Variants in PPEF2 observed in about 807,000 individuals in gnomAD.
PPEF2 encodes serine/threonine-protein phosphatase with EF-hands 2.
PPEF2 carries 84 observed loss-of-function variants against 84.7 expected under a neutral mutation model. The ratio of observed to expected loss-of-function variants is 0.99; its 90% CI spans 0.83 to 1.19. PPEF2 has a LOEUF of 1.19. PPEF2 is among the 50% of genes most tolerant of loss of function. The pLI is 0.00. For missense variants in PPEF2, 924 were observed against 937.5 expected, an observed-to-expected ratio of 0.99 and a Z score of 0.19; for synonymous variants, 346 against 345.2, an observed-to-expected ratio of 1.00 and a Z score of -0.03.
chr4:75,866,740 G>A (rs927549200), intron 14 of PPEF2, among the ~76,000 whole-genome samples: 1 of 151,998 alleles, frequency 6.6e-6, no homozygotes, highest in Non-Finnish European at 1.5e-5. Flanking sequence ...TATATCTACA[G>A]CATTGGTTAT....
At chr4:75,883,933 C>T (rs1328095938) in intron 8 of PPEF2, among the ~76,000 whole-genome samples, 3 of 151,092 alleles carry the variant, frequency 2.0e-5, no homozygotes, top group Non-Finnish European at 4.4e-5. Context: ...AGTTCGAGAC[C>T]AGCCTGACCA....
chr4:75,867,575 A>G (rs540068145), intron 13 of PPEF2, among the ~76,000 whole-genome samples, 156 bp from the exon 14 acceptor site: 1 of 152,356 alleles, frequency 6.6e-6, no homozygotes, highest in East Asian at 1.9e-4. Context: ...TGTTGTACAC[A>G]AACAGGATGA....
chr4:75,875,677 C>A (rs1438251538), intron 11 of PPEF2, among the ~76,000 whole-genome samples: 1 of 152,188 alleles, frequency 6.6e-6, no homozygotes, highest in Non-Finnish European at 1.5e-5. Context: ...CTACAACAGC[C>A]TTTTCAGGGC....
At chr4:75,888,046 T>C (rs1294380112) in intron 6 of PPEF2, among the ~76,000 whole-genome samples, 168 bp downstream of exon 6, 1 of 152,134 alleles carries the variant, frequency 6.6e-6, no homozygotes, top group Non-Finnish European at 1.5e-5. Flanking sequence ...CACCACCACC[T>C]CTTTTTTAGG....
At chr4:75,893,684 C>T (rs35565943) in intron 2 of PPEF2, among the ~76,000 whole-genome samples, 21,214 of 152,178 alleles carry the variant, frequency 0.14, 1,635 homozygotes, top group Non-Finnish European at 0.18. Context: ...ATACATAATT[C>T]ATACTTGTGC....
In PPEF2 at chr4:75,890,106, C is replaced by T; in HGVS notation, c.268G>A (p.Glu90Lys). The change falls in exon 5 of 17, where the codon GAG becomes AAG. Residue 90 changes from glutamate to lysine, a missense_variant. Transcript: ENST00000286719. The part of the protein sequence containing the change: ...DRDFLTRIFT[E>K]DRFAQDSEMK... ...TCGGAGTCCTGGGCGAATCTGTCCT[C>T]AGTGAATATGCGGGTCAGGAAGTCC... is the stretch of plus-strand genomic sequence containing the variant. 6.2e-7 allele frequency: 1 copy of T among 1,614,056 alleles called. No homozygotes were observed. Among genetic ancestry groups the T allele is most frequent in the Non-Finnish European group, 8.5e-7 (1 of 1,180,008 alleles).
At chr4:75,883,300 A>G in intron 8 of PPEF2, 98 bp from the exon 9 acceptor site, 1 of 1,080,966 alleles carries the variant, frequency 9.3e-7, no homozygotes, top group South Asian at 1.3e-5. Context: ...GGGTATATGT[A>G]CTTAAATACA....
intron 15 of PPEF2, 96 bp downstream of exon 15, chr4:75,866,093 T>G: frequency 7.6e-7 from 1 of 1,323,472 alleles, no homozygotes; most frequent in Non-Finnish European, 1.0e-6. Context: ...CATCCAGCTT[T>G]TTGGGTTATT....
intron 6 of PPEF2, among the ~76,000 whole-genome samples, chr4:75,887,165 G>A (rs1724750149): frequency 2.0e-5 from 3 of 152,190 alleles, no homozygotes; most frequent in African/African-American, 7.2e-5. Flanking sequence ...AATAGTGCAA[G>A]GTTGCAAACC....
intron 6 of PPEF2, among the ~76,000 whole-genome samples, chr4:75,887,620 CAAA>C (rs34334071): frequency 0.028 from 3,465 of 123,638 alleles, 115 homozygotes; most frequent in African/African-American, 0.091. Context: ...GACTGTGTCT[CAAA>C]AAAAAAAAAA....
rs1484618602 is a variant in PPEF2 at position 75,867,502 on chromosome 4, CTT to C, written c.1650-85_1650-84del. 4.9e-6 allele frequency: 5 copies of C among 1,029,344 alleles called. No homozygotes were observed. The African/African-American group carries it at 8.2e-5, about 17-fold the overall frequency. The allele number at this position is 1,029,344 out of a possible 1,614,324, so 63.8% of individuals were successfully genotyped here. A position where few individuals can be genotyped will look rare whatever the true frequency, so the allele number is the denominator to read the frequency against. On this transcript the variant is annotated intron_variant, in intron 13 of 16. Coordinates refer to ENST00000286719, the MANE Select transcript of PPEF2 (RefSeq NM_006239.3). The stretch of plus-strand genomic sequence containing the variant: ...AGATTTTACTATATTTCCACTCTCT[CTT>C]TCTTAACATATCAGTCTCCCAAGAG...
chr4:75,864,937 TTTTG>T (rs1332963265), intron 15 of PPEF2, among the ~76,000 whole-genome samples: 2 of 152,144 alleles, frequency 1.3e-5, no homozygotes, highest in Non-Finnish European at 2.9e-5. Context: ...TGAATGTAAT[TTTTG>T]TTTGTTTGTT....
At chr4:75,873,027 T>C in intron 12 of PPEF2, 100 bp downstream of exon 12, 1 of 1,169,658 alleles carries the variant, frequency 8.5e-7, no homozygotes, top group Non-Finnish European at 1.2e-6. Context: ...ACAAGGTCTG[T>C]AGGTTGTTAG....
chr4:75,869,418 G>A (rs9998204), intron 13 of PPEF2, among the ~76,000 whole-genome samples: 133,315 of 152,220 alleles, frequency 0.88, 61,063 homozygotes, highest in Non-Finnish European at 1. Flanking sequence ...TAATTAGGTC[G>A]AGGTCACATA....
rs552288757 is a variant in PPEF2, at chr4:75,888,754, T to C, written c.418-426A>G. On this transcript the variant is annotated intron_variant, in intron 5 of 16. Transcript: ENST00000286719. ...AGAGGGGAAGGATTGAATTCTGATA[T>C]AGAGCCAGAAGCTGACTATCTCGCT... Among the ~76,000 whole-genome samples, 4 of 152,328 alleles carry C rather than the reference T, an allele frequency of 2.6e-5. No individual in the cohort carries two copies. The South Asian group carries it at 6.2e-4, about 24-fold the overall frequency.
chr4:75,884,562 C>A, intron 8 of PPEF2, 32 bp downstream of exon 8: 3 of 1,528,020 alleles, frequency 2.0e-6, no homozygotes, highest in Non-Finnish European at 2.6e-6. Flanking sequence ...AACAAACAAA[C>A]ATCAAATACT....
At chr4:75,894,588 A>C (rs1724964989) in intron 2 of PPEF2, among the ~76,000 whole-genome samples, 1 of 152,238 alleles carries the variant, frequency 6.6e-6, no homozygotes, top group Admixed American at 6.5e-5. Flanking sequence ...GAAGTCAGGC[A>C]GGCCCCAGGG....
chr4:75,877,738 A>G (rs1724466221), intron 10 of PPEF2, among the ~76,000 whole-genome samples: 1 of 151,878 alleles, frequency 6.6e-6, no homozygotes, highest in Non-Finnish European at 1.5e-5. Context: ...ATAGGTACAC[A>G]CATGTCACAG....
intron 16 of PPEF2, 26 bp from the exon 17 acceptor site, chr4:75,860,946 A>C: frequency 6.2e-7 from 1 of 1,607,582 alleles, no homozygotes; most frequent in Non-Finnish European, 8.5e-7. Context: ...AAATCACTTC[A>C]GTGAGTTAGT....
Sources: gnomAD v4.1 joint callset for allele counts (sites outside exome capture counted in the v4.1 genomes callset) on GRCh38, gnomAD v4.1.1 for gene constraint, MANE v1.5 for transcripts, NCBI Gene and HGNC (gene_info 2026-07-23, HGNC 2026-07-21) for gene names.